PLA2G4C: variants seen among roughly 807,000 people sequenced by gnomAD.
PLA2G4C encodes the protein cytosolic phospholipase A2 gamma.
PLA2G4C carries 64 observed loss-of-function variants against 73.8 expected under a neutral mutation model. That is an observed-to-expected ratio of 0.87 (90% CI 0.71 to 1.07). The LOEUF is 1.07. PLA2G4C is among the 50% of genes least tolerant of loss of function. The pLI is 0.00. For synonymous variants in PLA2G4C, 254 were observed against 252.1 expected (o/e 1.01, Z -0.07); for missense variants, 622 against 665.4 (o/e 0.93, Z 0.72).
intron 14 of PLA2G4C, among the ~76,000 whole-genome samples, chr19:48,057,474 CTTCTTCTTCTTTTTTTT>C (rs1186634524): frequency 1.8e-4 from 3 of 16,846 alleles, no homozygotes; most frequent in Non-Finnish European, 3.3e-4. Context: ...TCTTCTTCTT[CTTCTTCTTCTTTTTTTT>C]TTTTTTTTTT....
At chr19:48,094,343 G>A (rs1044923393) in intron 7 of PLA2G4C, among the ~76,000 whole-genome samples, 1 of 152,272 alleles carries the variant, frequency 6.6e-6, no homozygotes. Flanking sequence ...TCCCTGGAGT[G>A]CAAACTTCAT....
chr19:48,048,930 G>A (rs995981962), intron 16 of PLA2G4C, among the ~76,000 whole-genome samples: 15 of 152,112 alleles, frequency 9.9e-5, no homozygotes, highest in Admixed American at 4.6e-4. Flanking sequence ...CCTTCCCTGC[G>A]GTAATGAGTG....
chr19:48,074,672 TG>T, intron 12 of PLA2G4C, 94 bp downstream of exon 12: 1 of 819,334 alleles, frequency 1.2e-6, no homozygotes, highest in East Asian at 2.5e-5. Context: ...TCATGTCCCC[TG>T]CAGGACTGGC....
chr19:48,100,519 C>T (rs1022133149), intron 4 of PLA2G4C, among the ~76,000 whole-genome samples: 10 of 149,376 alleles, frequency 6.7e-5, no homozygotes, highest in Admixed American at 2.7e-4. Flanking sequence ...GCAGAGGAAT[C>T]GCTTGAACCC....
At chr19:48,084,968 C>T (rs1266297572) in intron 10 of PLA2G4C, 91 bp downstream of exon 10, 1 of 878,122 alleles carries the variant, frequency 1.1e-6, no homozygotes, top group East Asian at 2.4e-5. Flanking sequence ...TATACACAGG[C>T]CTCTTTTCTG....
chr19:48,051,901 G>A (rs972344753), intron 16 of PLA2G4C: 3 of 131,606 alleles, frequency 2.3e-5, no homozygotes. Context: ...TTTTTTAGAG[G>A]CAAGGTCTTG....
intron 4 of PLA2G4C, among the ~76,000 whole-genome samples, chr19:48,102,947 A>G (rs1374007153): frequency 6.6e-6 from 1 of 152,118 alleles, no homozygotes; most frequent in Non-Finnish European, 1.5e-5. Flanking sequence ...ACAGCGGAGG[A>G]AACCAAGGCA....
chr19:48,104,410 ATC>A, intron 4 of PLA2G4C, 176 bp downstream of exon 4: 1 of 581,888 alleles, frequency 1.7e-6, no homozygotes, highest in Non-Finnish European at 3.0e-6. Context: ...CACCTGTGGA[ATC>A]TGATGTGAAC....
At chr19:48,050,594 G>A (rs932249200) in intron 16 of PLA2G4C, among the ~76,000 whole-genome samples, 1 of 150,954 alleles carries the variant, frequency 6.6e-6, no homozygotes. Context: ...ATCTGGTTGT[G>A]TCTGTGTCTT....
intron 13 of PLA2G4C, chr19:48,062,383 G>T (rs545102157): frequency 2.3e-5 from 9 of 394,240 alleles, no homozygotes; most frequent in Non-Finnish European, 4.1e-5. Flanking sequence ...GCTGAGGCAG[G>T]TGGATCACTT....
At chr19:48,109,854 T>C (rs1759198411) in intron 1 of PLA2G4C, among the ~76,000 whole-genome samples, 1 of 151,390 alleles carries the variant, frequency 6.6e-6, no homozygotes, top group South Asian at 2.1e-4. Flanking sequence ...TTTCACTGTG[T>C]TAGCCAGGAT....
intron 15 of PLA2G4C, among the ~76,000 whole-genome samples, chr19:48,054,518 T>C (rs921156573): frequency 6.6e-5 from 10 of 151,390 alleles, no homozygotes; most frequent in Admixed American, 2.6e-4. Context: ...GGTTTCACTG[T>C]GTTAGCCAGG....
At chr19:48,082,738 A>G (rs1243346434) in intron 10 of PLA2G4C, among the ~76,000 whole-genome samples, 2 of 149,734 alleles carry the variant, frequency 1.3e-5, no homozygotes, top group Non-Finnish European at 3.0e-5. Flanking sequence ...ACCTCAAGTG[A>G]TCCACCCACC....
Position 48,110,535 on chromosome 19 carries a change from C to A in PLA2G4C, c.-81G>T, listed in dbSNP as rs1037399553. On this transcript the variant is annotated 5_prime_UTR_variant, in exon 1 of 17. Transcript: ENST00000599921. ...GCGCATGCGCGGTGGAGCTTGTGCT[C>A]CGGAATCCGGTGCGGAGGCTTGGGC... The A allele has an allele frequency of 2.6e-6, 4 of 1,533,112 alleles. No individual in the cohort carries two copies. In the Admixed American group the frequency reaches 8.0e-5, roughly 31 times the overall value. 95.0% of individuals were successfully genotyped at this position (1,533,112 alleles called of 1,614,324 possible). A position where few individuals can be genotyped will look rare whatever the true frequency, so the allele number is the denominator to read the frequency against.
chr19:48,100,740 T>C (rs111764697), intron 4 of PLA2G4C, among the ~76,000 whole-genome samples: 20,850 of 143,810 alleles, frequency 0.14, 1,535 homozygotes, highest in African/African-American at 0.22. Context: ...AAACCCCGTC[T>C]CTACTAAAAA....
intron 1 of PLA2G4C, among the ~76,000 whole-genome samples, chr19:48,108,460 G>A (rs1043245331): frequency 1.3e-5 from 2 of 152,136 alleles, no homozygotes; most frequent in Non-Finnish European, 1.5e-5. Context: ...TGTGTTTCAC[G>A]ACAGTGATAT....
intron 4 of PLA2G4C, among the ~76,000 whole-genome samples, chr19:48,100,282 C>T (rs1010727487): frequency 3.9e-5 from 6 of 151,982 alleles, no homozygotes; most frequent in South Asian, 4.2e-4. Flanking sequence ...TTTGGGAGGA[C>T]GAGGCGGGAG....
intron 15 of PLA2G4C, among the ~76,000 whole-genome samples, chr19:48,053,364 C>CTTTTTTTTTT (rs1174332835): frequency 3.1e-4 from 31 of 100,606 alleles, no homozygotes; most frequent in Admixed American, 5.3e-4. Flanking sequence ...GTCCTTTTTT[C>CTTTTTTTTTT]TTTTTTTTTT....
rs3218743 is a variant in PLA2G4C at position 48,074,697 on chromosome 19, G to A, written c.1006+70C>T. 7.9e-4 allele frequency: 820 copies of A among 1,036,286 alleles called. 11 individuals carry two copies. In the East Asian group the frequency reaches 0.013, roughly 16 times the overall value. The allele number at this position is 1,036,286 out of a possible 1,614,324, so 64.2% of individuals were successfully genotyped here. ...TGCAGGACTGGCCCACAGGGGTGGG[G>A]AAGAGCAAGAGGGGGGAGAAGGTTG... On this transcript the variant is annotated intron_variant, in intron 12 of 16. Transcript: ENST00000599921.
Sources: allele counts gnomAD v4.1 joint callset (sites outside exome capture counted in the v4.1 genomes callset), GRCh38; gene constraint gnomAD v4.1.1; transcripts MANE v1.5; gene names NCBI Gene and HGNC (gene_info 2026-07-23, HGNC 2026-07-21).